TLN1: variants seen among roughly 807,000 people sequenced by gnomAD.
TLN1 encodes the protein talin-1.
In TLN1, 56 loss-of-function variants were observed where a neutral mutation model predicts 292.3. The observed-to-expected ratio is 0.19, with a 90% confidence interval of 0.15 to 0.24. TLN1 has a LOEUF of 0.24. Among genes scored for constraint, TLN1 ranks in the 10% least tolerant of loss-of-function variants. TLN1 has a pLI of 1.00. For missense variants in TLN1, 2,433 were observed against 3,248.2 expected (o/e 0.75, Z 6.10); for synonymous variants, 1,119 against 1,253.7 (o/e 0.89, Z 2.27).
chr9:35,710,720 TC>T, intron 32 of TLN1, 37 bp from the exon 33 acceptor site: 1 of 1,613,338 alleles, frequency 6.2e-7, no homozygotes, highest in Non-Finnish European at 8.5e-7. Flanking sequence ...TCAGAGCATG[TC>T]CTCAGAACCC....
In TLN1 at chr9:35,717,583, C is replaced by A. The variant is rs775910906; in HGVS notation, c.2163+36G>T. ...GCTCACGTGTGTGTGGTAGTATTAC[C>A]CCTCAGCACGGACTAGAGCAACCTT... On this transcript the variant is annotated intron_variant, in intron 18 of 56. Transcript: ENST00000314888. The surrounding 1 kb of genome is among the most constrained non-coding windows in gnomAD (Gnocchi z 4.7). 15 of 1,592,188 alleles carry A rather than the reference C, an allele frequency of 9.4e-6. No homozygotes were observed. Among genetic ancestry groups the A allele is most frequent in the Non-Finnish European group, 7.7e-6 (9 of 1,163,662 alleles).
In TLN1 at chr9:35,712,821, T is replaced by G; in HGVS notation, c.3561+14A>C. The stretch of plus-strand genomic sequence containing the variant: ...ACCTGGGGGAGAGGGAGTGGCCCTT[T>G]CCCAGTATCTGACCTGGGCAAGCCG... On this transcript the variant is annotated intron_variant, in intron 27 of 56. Coordinates refer to ENST00000314888, the MANE Select transcript of TLN1 (RefSeq NM_006289.4). 1 of 1,556,110 alleles carries G rather than the reference T, an allele frequency of 6.4e-7. No homozygotes were observed. The highest frequency in any genetic ancestry group is 8.7e-7 in the Non-Finnish European group (1 of 1,146,534).
Position 35,712,853 on chromosome 9 carries a change from G to A in TLN1, c.3543C>T (p.Ser1181=). The change falls in exon 27 of 57, where the codon AGC becomes AGT. Residue 1181 remains serine (S), a synonymous_variant. Transcript: ENST00000314888. ...KAAGHPGDPE[S]QQRLAQVAKA... ...ATCTGACCTGGGCAAGCCGCTGCTG[G>A]CTCTCAGGGTCCCCTGGATGGCCAG... is the stretch of plus-strand genomic sequence containing the variant. 1 of 1,585,964 alleles carries A rather than the reference G, an allele frequency of 6.3e-7. No individual in the cohort carries two copies. The highest frequency in any genetic ancestry group is 8.6e-7 in the Non-Finnish European group (1 of 1,164,776).
In TLN1 at chr9:35,711,239, C is replaced by T. The variant is rs532898334; in HGVS notation, c.4019+16G>A. 2 of 1,614,034 alleles carry T rather than the reference C, an allele frequency of 1.2e-6. No homozygotes were observed. Among genetic ancestry groups the T allele is most frequent in the African/African-American group, 2.7e-5 (2 of 75,058 alleles). On this transcript the variant is annotated intron_variant, in intron 30 of 56. Transcript: ENST00000314888. ...TCTCACACAGTCCAGGGCTGGGCTTCTCAGCAACTACTTACCTGGCAGCTG... is the reference window on the plus strand; with the variant it reads ...TCTCACACAGTCCAGGGCTGGGCTTTTCAGCAACTACTTACCTGGCAGCTG...
intron 1 of TLN1, among the ~76,000 whole-genome samples, chr9:35,727,615 G>A (rs149596462): frequency 1.1e-3 from 174 of 152,194 alleles, no homozygotes; most frequent in African/African-American, 3.9e-3. Flanking sequence ...ATTACTATCC[G>A]CTTGTGTCCC....
At chr9:35,728,703 A>C (rs757224847) in intron 1 of TLN1, among the ~76,000 whole-genome samples, 1 of 152,176 alleles carries the variant, frequency 6.6e-6, no homozygotes, top group Non-Finnish European at 1.5e-5. Flanking sequence ...GATAACCTCC[A>C]TAACAAGCAC....
intron 12 of TLN1, 67 bp downstream of exon 12, chr9:35,720,366 A>G: frequency 2.5e-6 from 4 of 1,579,344 alleles, no homozygotes; most frequent in Non-Finnish European, 3.5e-6. Flanking sequence ...ACCTCCCAAG[A>G]GTCCTTAGAG....
rs752688749 is a variant in TLN1, at chr9:35,711,588, T to C, written c.3879+7A>G. ...ACCATTCAACCAGACCCTCTGCCTC[T>C]TCATACCGGAGCCTGGCCTGCCATC... On this transcript the variant is annotated splice_region_variant and intron_variant, in intron 29 of 56. Transcript: ENST00000314888. 2 of 1,613,524 alleles carry C rather than the reference T, an allele frequency of 1.2e-6. No individual in the cohort carries two copies. Among genetic ancestry groups the C allele is most frequent in the South Asian group, 1.1e-5 (1 of 91,036 alleles).
At position 35,705,857 on chromosome 9, in the gene TLN1, G is replaced by T. The variant is rs200354770; in HGVS notation, c.5512-6C>A. 1.7e-5 allele frequency: 28 copies of T among 1,614,188 alleles called. No individual in the cohort carries two copies. Among genetic ancestry groups the T allele is most frequent in the East Asian group, 8.9e-5 (4 of 44,888 alleles). Reference sequence around the variant, plus strand: ...CCCATTGGTCCTTCATCTAGCTGAGGGGGGAGGATAGGGAAAGGGAAAGAC... The same window carrying T: ...CCCATTGGTCCTTCATCTAGCTGAGTGGGGAGGATAGGGAAAGGGAAAGAC... On this transcript the variant is annotated splice_region_variant and splice_polypyrimidine_tract_variant and intron_variant, in intron 41 of 56. Transcript: ENST00000314888.
Position 35,706,847 on chromosome 9 carries a change from C to A in TLN1, c.5009G>T (p.Ser1670Ile). 6.2e-7 allele frequency: 1 copy of A among 1,614,086 alleles called. No individual in the cohort carries two copies. The highest frequency in any genetic ancestry group is 8.5e-7 in the Non-Finnish European group (1 of 1,180,034). Residue 1670 changes from serine (S) to isoleucine (I), a missense_variant, in exon 38 of 57, where the codon AGT (serine) becomes ATT (isoleucine). Transcript: ENST00000314888. The surrounding 1 kb of genome is among the most constrained non-coding windows in gnomAD (Gnocchi z 4.2). ...ECETAIAALN[S>I]CLRDLDQASL... ...AGCCTGGTCTAGGTCCCGTAGACAA[C>A]TGTTCAGAGCTGCAATGGCCGTTTC...
At chr9:35,710,955 C>T in intron 31 of TLN1, 34 bp downstream of exon 31, 1 of 1,613,980 alleles carries the variant, frequency 6.2e-7, no homozygotes, top group Non-Finnish European at 8.5e-7. Context: ...ACACTTCCCT[C>T]AACCTCAATG....
intron 11 of TLN1, 84 bp downstream of exon 11, chr9:35,720,728 C>A: frequency 7.4e-7 from 1 of 1,359,902 alleles, no homozygotes; most frequent in Admixed American, 1.7e-5. Context: ...CAGGTTCAAG[C>A]AATCTGAGTG....
intron 33 of TLN1, 66 bp from the exon 34 acceptor site, chr9:35,708,550 T>C (rs1199352993): frequency 7.6e-6 from 11 of 1,444,314 alleles, no homozygotes; most frequent in African/African-American, 2.9e-5. Context: ...ATAGTGATAG[T>C]AGGGACAAAA....
Position 35,719,449 on chromosome 9 carries a change from C to A in TLN1, c.1687+70G>T. The A allele has an allele frequency of 7.0e-7, 1 of 1,428,794 alleles. No homozygotes were observed. Among genetic ancestry groups the A allele is most frequent in the South Asian group, 1.1e-5 (1 of 87,180 alleles). 88.5% of individuals were successfully genotyped at this position (1,428,794 alleles called of 1,614,324 possible). Reference sequence around the variant, plus strand: ...AGGCACAGTCACACATGAAGCCAGTCACATGCATGCCTGTGCACACTTGCA... The same window carrying A: ...AGGCACAGTCACACATGAAGCCAGTAACATGCATGCCTGTGCACACTTGCA... On this transcript the variant is annotated intron_variant, in intron 15 of 56. Transcript: ENST00000314888. This position sits in a 1 kb window ranked among gnomAD's most constrained non-coding sequence, Gnocchi z 4.6.
At position 35,717,605 on chromosome 9, in the gene TLN1, C is replaced by T. The variant is rs138688976; in HGVS notation, c.2163+14G>A. On this transcript the variant is annotated intron_variant, in intron 18 of 56. Transcript: ENST00000314888. The surrounding 1 kb of genome is among the most constrained non-coding windows in gnomAD (Gnocchi z 4.7). ...TACCCCTCAGCACGGACTAGAGCAA[C>T]CTTTGGGGCTCACCTTAGTACAGGC... 2.8e-4 allele frequency: 447 copies of T among 1,602,308 alleles called. 4 individuals carry two copies. The East Asian group carries it at 8.7e-3, about 31-fold the overall frequency.
rs748220923 is a variant in TLN1, at chr9:35,698,494, C to A, written c.7200G>T (p.Val2400=). 5 of 1,613,832 alleles carry A rather than the reference C, an allele frequency of 3.1e-6. No homozygotes were observed. Among genetic ancestry groups the A allele is most frequent in the Non-Finnish European group, 4.2e-6 (5 of 1,179,954 alleles). ...SQGLISAARM[V]AAATNNLCEA... ...CACACAGATTGTTGGTGGCCGCAGC[C>A]ACCATCCGGGCCTAAAGCAGGGAGA... Residue 2400 remains valine, a synonymous_variant, in exon 55 of 57, where the codon GTG becomes GTT. Coordinates refer to ENST00000314888, the MANE Select transcript of TLN1 (RefSeq NM_006289.4). This position sits in a 1 kb window ranked among gnomAD's most constrained non-coding sequence, Gnocchi z 5.3.
In TLN1 at chr9:35,712,846, G is replaced by A. The variant is rs528772099; in HGVS notation, c.3550C>T (p.Arg1184Trp). The A allele has an allele frequency of 8.9e-6, 14 of 1,581,002 alleles. No homozygotes were observed. Among genetic ancestry groups the A allele is most frequent in the East Asian group, 2.3e-5 (1 of 43,488 alleles). ...TCCCAGTATCTGACCTGGGCAAGCC[G>A]CTGCTGGCTCTCAGGGTCCCCTGGA... ...GHPGDPESQQRLAQVAKAVTQ... is the reference protein window; with the variant it reads ...GHPGDPESQQWLAQVAKAVTQ... Residue 1184 changes from arginine to tryptophan, a missense_variant, in exon 27 of 57, where the codon CGG becomes TGG. Physicochemically the swap from Arg to Trp is moderately radical, Grantham distance 101. This residue lies in a region of TLN1 where 1,384 missense variants were observed against 1,699.6 expected (regional missense o/e 0.81). Coordinates refer to ENST00000314888, the MANE Select transcript of TLN1 (RefSeq NM_006289.4).
rs372333259 is a variant in TLN1, at chr9:35,709,393, G to A, written c.4327-909C>T. 1.7e-3 allele frequency among the ~76,000 whole-genome samples: 257 copies of A among 152,358 alleles called. 2 individuals are homozygous for A. In the South Asian group the frequency reaches 0.027, roughly 16 times the overall value. On this transcript the variant is annotated intron_variant, in intron 33 of 56. Transcript: ENST00000314888. ...TCTGACAGGGCACAGGGAGGTGGTG[G>A]AGATGGAGGGCTAGGATGGTAGGCT...
At position 35,698,700 on chromosome 9, in the gene TLN1, TACTTAG is replaced by T; in HGVS notation, c.7126-27_7126-22del. ...CCCACCTGTAGGAAGGAGAAGAGCC[TACTTAG>T]ACCTGCATTTTCCTCACTTCAAAGA... is the stretch of plus-strand genomic sequence containing the variant. On this transcript the variant is annotated intron_variant, in intron 53 of 56. Coordinates refer to ENST00000314888, the MANE Select transcript of TLN1 (RefSeq NM_006289.4). The surrounding 1 kb of genome is among the most constrained non-coding windows in gnomAD (Gnocchi z 5.3). 1.2e-6 allele frequency: 2 copies of T among 1,614,132 alleles called. No homozygotes were observed. Among genetic ancestry groups the T allele is most frequent in the Non-Finnish European group, 1.7e-6 (2 of 1,180,042 alleles).
Sources: gnomAD v4.1 joint callset for allele counts (sites outside exome capture counted in the v4.1 genomes callset) on GRCh38, gnomAD v4.1.1 for gene constraint, gnomAD v4.1.1 regional missense constraint, Gnocchi (gnomAD v3.1) non-coding constraint, MANE v1.5 for transcripts, NCBI Gene and HGNC (gene_info 2026-07-23, HGNC 2026-07-21) for gene names.